Variants in FUT8 observed in about 807,000 individuals in gnomAD.
The protein encoded by FUT8 is fucosyltransferase 8.
A neutral mutation model predicts 71.3 loss-of-function variants in FUT8; 29 were observed. The ratio of observed to expected loss-of-function variants is 0.41; its 90% confidence interval spans 0.30 to 0.55. The LOEUF is 0.55. FUT8 is among the 20% of genes least tolerant of loss of function. The probability of loss-of-function intolerance (pLI) is 0.34; values close to 1 mark genes in which losing one functional copy is unlikely to be tolerated. For synonymous variants in FUT8, 254 were observed against 239.3 expected (o/e 1.06, Z -0.57); for missense variants, 544 against 702.1 (o/e 0.77, Z 2.55).
intron 7 of FUT8, among the ~76,000 whole-genome samples, chr14:65,682,847 A>G (rs185606663): frequency 6.6e-6 from 1 of 152,310 alleles, no homozygotes; most frequent in Admixed American, 6.5e-5. Context: ...CAAGTGAATC[A>G]AAAACAAATC....
intron 1 of FUT8, among the ~76,000 whole-genome samples, chr14:65,445,683 C>T (rs2065728865): frequency 6.6e-6 from 1 of 152,230 alleles, no homozygotes; most frequent in South Asian, 2.1e-4. Context: ...TTTGGTCTAA[C>T]TACTGGTCAA....
At chr14:65,618,010 CATATATAT>C (rs149450437) in intron 5 of FUT8, among the ~76,000 whole-genome samples, 1,091 of 86,960 alleles carry the variant, frequency 0.013, 15 homozygotes, top group South Asian at 0.033. Flanking sequence ...AAAATTAATT[CATATATAT>C]ATATATATAT....
chr14:65,470,899 T>A (rs1470824966), intron 2 of FUT8, among the ~76,000 whole-genome samples: 2 of 151,620 alleles, frequency 1.3e-5, no homozygotes, highest in Non-Finnish European at 2.9e-5. Context: ...AGGGAGGGGG[T>A]CTGTCCGCCT....
chr14:65,611,159 T>C (rs892182696), intron 3 of FUT8, among the ~76,000 whole-genome samples: 1 of 146,602 alleles, frequency 6.8e-6, no homozygotes, highest in Admixed American at 7.1e-5. Context: ...TTTTCCATTT[T>C]TAAGTTGTTA....
At chr14:65,499,423 G>A (rs1215148476) in intron 2 of FUT8, among the ~76,000 whole-genome samples, 1 of 151,708 alleles carries the variant, frequency 6.6e-6, no homozygotes, top group Non-Finnish European at 1.5e-5. Flanking sequence ...TTTTTTTTAA[G>A]TAGTACATGG....
intron 7 of FUT8, among the ~76,000 whole-genome samples, chr14:65,674,391 C>T (rs1377483305): frequency 6.6e-6 from 1 of 152,090 alleles, no homozygotes; most frequent in Non-Finnish European, 1.5e-5. Context: ...TTAAAAAACT[C>T]ATGATACTCA....
At chr14:65,452,295 G>GGGAT (rs1217677006) in intron 1 of FUT8, among the ~76,000 whole-genome samples, 1 of 152,174 alleles carries the variant, frequency 6.6e-6, no homozygotes, top group Non-Finnish European at 1.5e-5. Flanking sequence ...TGGACTAATA[G>GGGAT]GGATGGTCTT....
chr14:65,740,664 G>T (rs557990405), intron 10 of FUT8, among the ~76,000 whole-genome samples: 1 of 152,062 alleles, frequency 6.6e-6, no homozygotes, highest in East Asian at 1.9e-4. Flanking sequence ...TGGAGCAGGA[G>T]GAAGAGAATT....
chr14:65,425,155 A>G (rs75696625), intron 1 of FUT8, among the ~76,000 whole-genome samples: 2,115 of 152,134 alleles, frequency 0.014, 19 homozygotes, highest in South Asian at 0.023. Flanking sequence ...ACAATTAGAA[A>G]AAAAATGGAG....
intron 2 of FUT8, among the ~76,000 whole-genome samples, chr14:65,496,465 G>A (rs2066561137): frequency 6.6e-6 from 1 of 152,058 alleles, no homozygotes; most frequent in Non-Finnish European, 1.5e-5. Context: ...CACGTGTCAA[G>A]GGAGAGACCT....
chr14:65,382,562 A>C, the FUT8 span, among the ~76,000 whole-genome samples: 2 of 151,636 alleles, frequency 1.3e-5, no homozygotes, highest in African/African-American at 2.4e-5. Context: ...CTGGTCTTGA[A>C]CTCCTGACCT....
At chr14:65,618,028 TATATATATATATATA>T (rs1679597717) in intron 5 of FUT8, among the ~76,000 whole-genome samples, 1 of 79,868 alleles carries the variant, frequency 1.3e-5, no homozygotes, top group African/African-American at 5.0e-5. Context: ...TATATATATA[TATATATATATATATA>T]TATATATATA....
rs148571544 is a variant in FUT8, at chr14:65,537,488, C to T, written c.-227-23849C>T. Among the ~76,000 whole-genome samples the T allele has an allele frequency of 3.5e-3, 531 of 152,154 alleles. 2 individuals are homozygous for T. The highest frequency in any genetic ancestry group is 0.012 in the African/African-American group (499 of 41,506). On this transcript the variant is annotated intron_variant, in intron 2 of 10. Coordinates refer to ENST00000673929, the MANE Select transcript of FUT8 (RefSeq NM_001371533.1). ...CTGTAAGCTCCGCCTCCCAGGTTCA[C>T]GCCTTTCTCCTGTCTCAGCCTCCTG...
chr14:65,607,873 G>T lies in FUT8; in HGVS notation c.204-8105G>T, dbSNP rs1888664407. Among the ~76,000 whole-genome samples, 1 of 151,698 alleles carries T rather than the reference G, an allele frequency of 6.6e-6. No individual in the cohort carries two copies. Among genetic ancestry groups the T allele is most frequent in the Non-Finnish European group, 1.5e-5 (1 of 67,878 alleles). On this transcript the variant is annotated intron_variant, in intron 3 of 10. Coordinates refer to ENST00000673929, the MANE Select transcript of FUT8 (RefSeq NM_001371533.1). This position sits in a 1 kb window ranked among gnomAD's most constrained non-coding sequence, Gnocchi z 4.1. Reference sequence around the variant, plus strand: ...GGTCAGGAGATCGAGACCATTACTGGCCAACATGGTGAAACCCCGTCTCTA... The same window carrying T: ...GGTCAGGAGATCGAGACCATTACTGTCCAACATGGTGAAACCCCGTCTCTA...
intron 2 of FUT8, among the ~76,000 whole-genome samples, chr14:65,528,551 C>T (rs1883687661): frequency 6.6e-6 from 1 of 152,208 alleles, no homozygotes; most frequent in South Asian, 2.1e-4. Context: ...GCTGCACCCA[C>T]TGTCCTGCAT....
At chr14:65,374,406 C>G in the FUT8 span, among the ~76,000 whole-genome samples, 1 of 152,164 alleles carries the variant, frequency 6.6e-6, no homozygotes, top group Non-Finnish European at 1.5e-5. Flanking sequence ...CTCTGATTCT[C>G]TCTTTCCTCT....
intron 6 of FUT8, among the ~76,000 whole-genome samples, chr14:65,656,268 C>G (rs926519310): frequency 6.6e-6 from 1 of 150,502 alleles, no homozygotes; most frequent in African/African-American, 2.5e-5. Context: ...GTTGCAGGTA[C>G]AAAGTCAACA....
At chr14:65,563,090 A>T (rs543521728) in intron 3 of FUT8, among the ~76,000 whole-genome samples, 13 of 152,200 alleles carry the variant, frequency 8.5e-5, no homozygotes, top group African/African-American at 3.1e-4. Flanking sequence ...CATTTGTACC[A>T]TTCAAGAAGA....
chr14:65,434,666 T>G (rs1595370844), intron 1 of FUT8, among the ~76,000 whole-genome samples: 1 of 152,158 alleles, frequency 6.6e-6, no homozygotes, highest in East Asian at 1.9e-4. Context: ...AAACTAAGAA[T>G]TTACTGTGTG....
Sources: gnomAD v4.1 joint callset for allele counts (sites outside exome capture counted in the v4.1 genomes callset) on GRCh38, gnomAD v4.1.1 for gene constraint, Gnocchi (gnomAD v3.1) non-coding constraint, MANE v1.5 for transcripts, NCBI Gene and HGNC (gene_info 2026-07-23, HGNC 2026-07-21) for gene names.